The following RXFP1 variants were observed in gnomAD, a reference collection of about 807,000 sequenced individuals.
The protein encoded by RXFP1 is relaxin receptor 1.
In RXFP1, 73 loss-of-function variants were observed where a neutral mutation model predicts 89.8. The ratio of observed to expected loss-of-function variants is 0.81; its 90% CI spans 0.67 to 0.99. RXFP1 has a LOEUF of 0.99. Ranked by LOEUF, RXFP1 falls within the 50% of genes least tolerant of loss-of-function variation. RXFP1 has a pLI of 0.00. For missense variants in RXFP1, 793 were observed against 895.5 expected, an observed-to-expected ratio of 0.89 and a Z score of 1.46; for synonymous variants, 277 against 305.5, an observed-to-expected ratio of 0.91 and a Z score of 0.97.
At chr4:158,593,895 A>G (rs1269512594) in intron 3 of RXFP1, among the ~76,000 whole-genome samples, 3 of 152,222 alleles carry the variant, frequency 2.0e-5, no homozygotes, top group Non-Finnish European at 4.4e-5. Context: ...AATGTTTGCT[A>G]GAAAAAATTC....
chr4:158,599,037 CAGA>C (rs1389509587), intron 3 of RXFP1, among the ~76,000 whole-genome samples: 2 of 150,370 alleles, frequency 1.3e-5, no homozygotes, highest in East Asian at 2.0e-4. Context: ...GAAATAAGAG[CAGA>C]TTATTTCATT....
At chr4:158,568,173 C>T (rs1015061845) in intron 1 of RXFP1, among the ~76,000 whole-genome samples, 1 of 152,174 alleles carries the variant, frequency 6.6e-6, no homozygotes. Flanking sequence ...CCAAACAAAT[C>T]CGAACATCAG....
intron 1 of RXFP1, among the ~76,000 whole-genome samples, chr4:158,563,003 T>C (rs1375324738): frequency 1.3e-5 from 2 of 152,210 alleles, no homozygotes; most frequent in Non-Finnish European, 2.9e-5. Context: ...AGGGGATTTT[T>C]AGAAGAAAAA....
chr4:158,600,117 G>A (rs539354975), intron 4 of RXFP1, among the ~76,000 whole-genome samples: 1 of 152,264 alleles, frequency 6.6e-6, no homozygotes, highest in African/African-American at 2.4e-5. Flanking sequence ...ATTAGTGGAG[G>A]ACAGCTATTT....
At chr4:158,613,272 C>T (rs2150135523) in intron 8 of RXFP1, among the ~76,000 whole-genome samples, 1 of 152,258 alleles carries the variant, frequency 6.6e-6, no homozygotes, top group South Asian at 2.1e-4. Flanking sequence ...CCTGGGGTGG[C>T]TGTGGCAATT....
intron 1 of RXFP1, among the ~76,000 whole-genome samples, chr4:158,554,552 G>A (rs573410422): frequency 6.6e-6 from 1 of 152,066 alleles, no homozygotes; most frequent in African/African-American, 2.4e-5. Flanking sequence ...TTATATCAGT[G>A]GATATAGATC....
At chr4:158,629,812 A>T (rs1245379953) in intron 11 of RXFP1, among the ~76,000 whole-genome samples, 1 of 151,754 alleles carries the variant, frequency 6.6e-6, no homozygotes, top group South Asian at 2.1e-4. Flanking sequence ...TTTTTTGTAG[A>T]GACAGGGTCT....
intron 2 of RXFP1, among the ~76,000 whole-genome samples, chr4:158,589,394 C>G (rs1379089772): frequency 1.3e-5 from 2 of 152,130 alleles, no homozygotes; most frequent in African/African-American, 4.8e-5. Flanking sequence ...CATGCAAATT[C>G]CTTGGGTTTC....
At chr4:158,614,000 T>A (rs948871451) in intron 8 of RXFP1, among the ~76,000 whole-genome samples, 3 of 152,182 alleles carry the variant, frequency 2.0e-5, no homozygotes, top group African/African-American at 7.2e-5. Context: ...TCCTTGTAGA[T>A]CTCCACTGGA....
chr4:158,624,167 A>G (rs1766237854), intron 9 of RXFP1, among the ~76,000 whole-genome samples: 1 of 152,178 alleles, frequency 6.6e-6, no homozygotes, highest in African/African-American at 2.4e-5. Flanking sequence ...CAAACTCAAG[A>G]AAACAGATGG....
Position 158,633,396 on chromosome 4 carries a change from T to A in RXFP1, c.900-9T>A, listed in dbSNP as rs1424121720. On this transcript the variant is annotated splice_polypyrimidine_tract_variant and intron_variant, in intron 11 of 17. Coordinates refer to ENST00000307765, the MANE Select transcript of RXFP1 (RefSeq NM_021634.4). ...AAATAATATCACATATTTGCAATTA[T>A]TTCTCCAGGGATTTAGGAAGTAATA... is the stretch of plus-strand genomic sequence containing the variant. 13 of 1,538,954 alleles carry A rather than the reference T, an allele frequency of 8.4e-6. No homozygotes were observed. The East Asian group carries it at 2.3e-4, about 27-fold the overall frequency.
Position 158,564,969 on chromosome 4 carries a change from T to C in RXFP1, c.50-7729T>C, listed in dbSNP as rs187010106. Among the ~76,000 whole-genome samples the C allele has an allele frequency of 2.0e-5, 3 of 152,296 alleles. No homozygotes were observed. In the East Asian group the frequency reaches 5.8e-4, roughly 29 times the overall value. On this transcript the variant is annotated intron_variant, in intron 1 of 17. Coordinates refer to ENST00000307765, the MANE Select transcript of RXFP1 (RefSeq NM_021634.4). ...ACAATTGAGTTCTAAAGCCATTTGG[T>C]GGATCAGAAGGAGGTATTTTTCTGT... is the stretch of plus-strand genomic sequence containing the variant.
intron 1 of RXFP1, among the ~76,000 whole-genome samples, chr4:158,540,194 G>C (rs909012232): frequency 6.6e-6 from 1 of 152,108 alleles, no homozygotes; most frequent in South Asian, 2.1e-4. Flanking sequence ...AAGGAAGAAA[G>C]AATGGCTACT....
In RXFP1 at chr4:158,550,294, G is replaced by T. The variant is rs532675922; in HGVS notation, c.50-22404G>T. 3.9e-5 allele frequency among the ~76,000 whole-genome samples: 6 copies of T among 152,340 alleles called. No individual in the cohort carries two copies. In the South Asian group the frequency reaches 1.2e-3, roughly 32 times the overall value. On this transcript the variant is annotated intron_variant, in intron 1 of 17. Coordinates refer to ENST00000307765, the MANE Select transcript of RXFP1 (RefSeq NM_021634.4). ...TCCTGGTGTGCCATTTTTTAAGCCC[G>T]TTGGAAAAGCACAGTATTAGGGTAG...
intron 9 of RXFP1, among the ~76,000 whole-genome samples, chr4:158,617,937 G>A (rs1400389749): frequency 6.6e-6 from 1 of 152,088 alleles, no homozygotes; most frequent in African/African-American, 2.4e-5. Flanking sequence ...GTTAGAGTCA[G>A]AAGCATTGAT....
chr4:158,574,258 A>G (rs143232255), intron 2 of RXFP1, among the ~76,000 whole-genome samples: 212 of 152,342 alleles, frequency 1.4e-3, no homozygotes, highest in African/African-American at 3.7e-3. Flanking sequence ...TGTCACATAA[A>G]TAATATATGC....
At chr4:158,646,752 A>G (rs1331251738) in intron 15 of RXFP1, 39 bp from the exon 16 acceptor site, 5 of 1,518,286 alleles carry the variant, frequency 3.3e-6, no homozygotes, top group Non-Finnish European at 4.4e-6. Context: ...TATGATACCT[A>G]TTTATTTCTC....
At chr4:158,602,612 A>T (rs1210166828) in intron 4 of RXFP1, among the ~76,000 whole-genome samples, 1 of 152,194 alleles carries the variant, frequency 6.6e-6, no homozygotes, top group Non-Finnish European at 1.5e-5. Context: ...GTTAAGACTG[A>T]AGTTATTATT....
At chr4:158,547,936 G>A (rs1258264444) in intron 1 of RXFP1, among the ~76,000 whole-genome samples, 1 of 152,124 alleles carries the variant, frequency 6.6e-6, no homozygotes, top group Non-Finnish European at 1.5e-5. Context: ...GTTGATTTGG[G>A]GTGGAAAGTT....
Sources: gnomAD v4.1 joint callset for allele counts (sites outside exome capture counted in the v4.1 genomes callset) on GRCh38, gnomAD v4.1.1 for gene constraint, MANE v1.5 for transcripts, NCBI Gene and HGNC (gene_info 2026-07-23, HGNC 2026-07-21) for gene names.